Variants in ILDR2 observed in about 807,000 individuals in gnomAD.
ILDR2 encodes the protein immunoglobulin-like domain-containing receptor 2.
ILDR2 carries 25 observed loss-of-function variants against 66.8 expected under a neutral mutation model. The observed-to-expected ratio is 0.37, with a 90% confidence interval of 0.27 to 0.52. The LOEUF (loss-of-function observed/expected upper bound fraction) is 0.52. Ranked by LOEUF, ILDR2 falls within the 20% of genes least tolerant of loss-of-function variation. ILDR2 has a pLI of 0.88. For synonymous variants in ILDR2, 367 were observed against 357.2 expected (o/e 1.03, Z -0.31); for missense variants, 827 against 876.8 (o/e 0.94, Z 0.72).
rs1219011232 is a variant in ILDR2, at chr1:166,912,482, A to G, written c.*6873T>C. The G allele has an allele frequency of 6.6e-6, 1 of 152,230 alleles. No homozygotes were observed. The highest frequency in any genetic ancestry group is 1.5e-5 in the Non-Finnish European group (1 of 68,036). 9.4% of individuals were successfully genotyped at this position (152,230 alleles called of 1,614,324 possible). On this transcript the variant is annotated 3_prime_UTR_variant, in exon 10 of 10. Coordinates refer to ENST00000271417, the MANE Select transcript of ILDR2 (RefSeq NM_199351.3). ...AAATAAAAACAAAAATATTTTATAA[A>G]GCTGAAAAACCTAAATGGAATTAAA...
Position 166,936,843 on chromosome 1 carries a change from A to T in ILDR2, c.557-106T>A. 2 of 1,091,154 alleles carry T rather than the reference A, an allele frequency of 1.8e-6. No homozygotes were observed. Among genetic ancestry groups the T allele is most frequent in the Non-Finnish European group, 2.7e-6 (2 of 741,928 alleles). 67.6% of individuals were successfully genotyped at this position (1,091,154 alleles called of 1,614,324 possible). A position where few individuals can be genotyped will look rare whatever the true frequency, so the allele number is the denominator to read the frequency against. ...GAAAGGGGGAGAGGAGGAGGGACCT[A>T]GGGAAGAAAGCTTCTCTTAACAGGA... On this transcript the variant is annotated intron_variant, in intron 4 of 9. Transcript: ENST00000271417. The surrounding 1 kb of genome is among the most constrained non-coding windows in gnomAD (Gnocchi z 5.0).
At chr1:166,961,270 G>C (rs1475701379) in intron 1 of ILDR2, among the ~76,000 whole-genome samples, 7 of 151,860 alleles carry the variant, frequency 4.6e-5, no homozygotes, top group African/African-American at 1.7e-4. Context: ...GGAAGTTTGG[G>C]GTTTTGTTCA....
intron 2 of ILDR2, among the ~76,000 whole-genome samples, chr1:166,902,241 G>A (rs1264754998): frequency 6.6e-6 from 1 of 152,202 alleles, no homozygotes; most frequent in African/African-American, 2.4e-5. Flanking sequence ...GGCTGCACAT[G>A]TCTCTCTCCC....
Position 166,910,255 on chromosome 1 carries a change from C to T in ILDR2, c.*9100G>A, listed in dbSNP as rs1388543602. On this transcript the variant is annotated 3_prime_UTR_variant, in exon 10 of 10. Transcript: ENST00000271417. The stretch of plus-strand genomic sequence containing the variant: ...ATCACAAAAGGCATGCACCTAAATC[C>T]CACTTGATCCCAAGCAAAAACCTCA... 6.6e-6 allele frequency: 1 copy of T among 152,060 alleles called. No individual in the cohort carries two copies. The highest frequency in any genetic ancestry group is 1.5e-5 in the Non-Finnish European group (1 of 68,006). The allele number at this position is 152,060 out of a possible 1,614,324, so 9.4% of individuals were successfully genotyped here.
chr1:166,958,238 T>C (rs1266222694), intron 1 of ILDR2, 137 bp from the exon 2 acceptor site: 2 of 700,586 alleles, frequency 2.9e-6, no homozygotes, highest in Non-Finnish European at 4.8e-6. Context: ...ATTAATGGCA[T>C]TAATATCCAT....
rs80137570 is a variant in ILDR2, at chr1:166,901,771, T to G, written n.171+5282A>C. Among the ~76,000 whole-genome samples, 1,049 of 152,336 alleles carry G rather than the reference T, an allele frequency of 6.9e-3. 3 individuals are homozygous for G. Among genetic ancestry groups the G allele is most frequent in the African/African-American group, 0.018 (752 of 41,576 alleles). The stretch of plus-strand genomic sequence containing the variant: ...CCCCCACAAGGCTGCTTAGTCTCAT[T>G]GGTTGCAGACAGATATCTGTGTTAA... On this transcript the variant is annotated intron_variant and non_coding_transcript_variant, in intron 2 of 2. Transcript: ENST00000414590.
chr1:166,925,556 C>T (rs190491015), intron 7 of ILDR2, among the ~76,000 whole-genome samples: 13 of 152,234 alleles, frequency 8.5e-5, no homozygotes, highest in African/African-American at 2.9e-4. Context: ...GCCATGGAGC[C>T]ATCCACATTA....
intron 1 of ILDR2, among the ~76,000 whole-genome samples, chr1:166,969,419 C>A (rs1663150853): frequency 6.6e-6 from 1 of 152,224 alleles, no homozygotes; most frequent in Non-Finnish European, 1.5e-5. Flanking sequence ...AAGCCAAAAA[C>A]TATCTTGAAG....
intron 3 of ILDR2, among the ~76,000 whole-genome samples, chr1:166,955,271 C>G (rs1662210639): frequency 6.6e-6 from 1 of 152,180 alleles, no homozygotes; most frequent in African/African-American, 2.4e-5. Flanking sequence ...AGTCAACCTT[C>G]TAATAAGGCA....
intron 1 of ILDR2, 38 bp downstream of exon 1, chr1:166,975,185 A>G: frequency 6.5e-7 from 1 of 1,540,792 alleles, no homozygotes; most frequent in Non-Finnish European, 9.0e-7. Context: ...CTACAGGAAT[A>G]TACAAAGTTA....
At chr1:166,957,554 T>C (rs756716060) in intron 2 of ILDR2, among the ~76,000 whole-genome samples, 117 of 152,190 alleles carry the variant, frequency 7.7e-4, no homozygotes, top group Non-Finnish European at 1.4e-3. Flanking sequence ...TTCATCTGTA[T>C]GTCTTCAGGA....
chr1:166,960,388 T>C (rs1345633656), intron 1 of ILDR2, among the ~76,000 whole-genome samples: 1 of 152,184 alleles, frequency 6.6e-6, no homozygotes, highest in East Asian at 1.9e-4. Context: ...AGTAAAATAG[T>C]GTTGGCATCA....
At position 166,910,123 on chromosome 1, in the gene ILDR2, A is replaced by T. The variant is rs1243923302; in HGVS notation, c.*9232T>A. Reference sequence around the variant, plus strand: ...TTGATGACACGGTTTTTGCTTGTTAAAGAGAAACTGGCTTCACCATAATTC... The same window carrying T: ...TTGATGACACGGTTTTTGCTTGTTATAGAGAAACTGGCTTCACCATAATTC... On this transcript the variant is annotated 3_prime_UTR_variant, in exon 10 of 10. Coordinates refer to ENST00000271417, the MANE Select transcript of ILDR2 (RefSeq NM_199351.3). 3 of 152,044 alleles carry T rather than the reference A, an allele frequency of 2.0e-5. No individual in the cohort carries two copies. In the East Asian group the frequency reaches 5.8e-4, roughly 29 times the overall value. The allele number at this position is 152,044 out of a possible 1,614,324, so 9.4% of individuals were successfully genotyped here.
chr1:166,922,947 G>T, intron 7 of ILDR2, 138 bp from the exon 8 acceptor site: 1 of 690,936 alleles, frequency 1.4e-6, no homozygotes, highest in Non-Finnish European at 2.5e-6. Context: ...TTGTAAGCCT[G>T]AACTAGTGGT....
chr1:166,975,540 C>A lies in ILDR2; in HGVS notation c.-272G>T, dbSNP rs1385409592. On this transcript the variant is annotated 5_prime_UTR_variant, in exon 1 of 10. Coordinates refer to ENST00000271417, the MANE Select transcript of ILDR2 (RefSeq NM_199351.3). Reference sequence around the variant, plus strand: ...GCAGCGCGGCACGGGGCGAGCGTCTCCCCGCCGCAGAGCCCGCCGCGCGGG... The same window carrying A: ...GCAGCGCGGCACGGGGCGAGCGTCTACCCGCCGCAGAGCCCGCCGCGCGGG... 3 of 148,230 alleles carry A rather than the reference C, an allele frequency of 2.0e-5. No individual in the cohort carries two copies. Among genetic ancestry groups the A allele is most frequent in the South Asian group, 2.0e-4 (1 of 4,886 alleles). The allele number at this position is 148,230 out of a possible 1,614,324, so 9.2% of individuals were successfully genotyped here. A position where few individuals can be genotyped will look rare whatever the true frequency, so the allele number is the denominator to read the frequency against.
intron 3 of ILDR2, among the ~76,000 whole-genome samples, chr1:166,948,385 C>G (rs892021740): frequency 6.6e-6 from 1 of 152,198 alleles, no homozygotes; most frequent in Admixed American, 6.5e-5. Context: ...GTCACCCTAT[C>G]TAAAGTCTTC....
At chr1:166,896,591 A>G (rs1240566793) in intron 2 of ILDR2, among the ~76,000 whole-genome samples, 1 of 150,956 alleles carries the variant, frequency 6.6e-6, no homozygotes, top group Non-Finnish European at 1.5e-5. Context: ...TATTTTAGAA[A>G]TTTTGGATCA....
At chr1:166,904,547 C>G (rs1490034983), downstream of ILDR2, among the ~76,000 whole-genome samples, 1 of 152,208 alleles carries the variant, frequency 6.6e-6, no homozygotes, top group Non-Finnish European at 1.5e-5. Flanking sequence ...AACAAGGATT[C>G]AGGAGATCTG....
At chr1:166,929,014 T>A (rs1447928014) in intron 6 of ILDR2, among the ~76,000 whole-genome samples, 1 of 152,180 alleles carries the variant, frequency 6.6e-6, no homozygotes, top group Non-Finnish European at 1.5e-5. Flanking sequence ...AATGCAATTA[T>A]CCCACAGAAC....
Sources: gnomAD v4.1 joint callset for allele counts (sites outside exome capture counted in the v4.1 genomes callset) on GRCh38, gnomAD v4.1.1 for gene constraint, Gnocchi (gnomAD v3.1) non-coding constraint, MANE v1.5 for transcripts, NCBI Gene and HGNC (gene_info 2026-07-23, HGNC 2026-07-21) for gene names.